RUNX2: variants seen among roughly 807,000 people sequenced by gnomAD.
RUNX2 encodes the protein runt-related transcription factor 2.
RUNX2 carries 10 observed loss-of-function variants against 51.7 expected under a neutral mutation model. That is an observed-to-expected ratio of 0.19 (90% CI 0.12 to 0.33). The LOEUF is 0.33. Ranked by LOEUF, RUNX2 falls within the 10% of genes least tolerant of loss-of-function variation. The pLI is 1.00. For missense variants in RUNX2, 562 were observed against 691.3 expected (o/e 0.81, Z 2.10); for synonymous variants, 276 against 273.6 (o/e 1.01, Z -0.09).
At chr6:45,433,803 C>T (rs1251173172) in intron 4 of RUNX2, among the ~76,000 whole-genome samples, 3 of 152,274 alleles carry the variant, frequency 2.0e-5, no homozygotes, top group Admixed American at 6.5e-5. Context: ...AAAAGACAGA[C>T]TTAACTGCTT....
intron 7 of RUNX2, among the ~76,000 whole-genome samples, chr6:45,514,740 G>A (rs1801266640): frequency 6.6e-6 from 1 of 152,044 alleles, no homozygotes; most frequent in African/African-American, 2.4e-5. Flanking sequence ...CCATGTCATC[G>A]GAGTGTGCAC....
At chr6:45,358,550 T>C (rs1793657594) in intron 2 of RUNX2, among the ~76,000 whole-genome samples, 1 of 152,190 alleles carries the variant, frequency 6.6e-6, no homozygotes, top group Non-Finnish European at 1.5e-5. Flanking sequence ...TTGATGATGA[T>C]ATTTATTTTT....
At chr6:45,410,897 T>G (rs1211527527) in intron 2 of RUNX2, among the ~76,000 whole-genome samples, 1 of 152,190 alleles carries the variant, frequency 6.6e-6, no homozygotes, top group Non-Finnish European at 1.5e-5. Flanking sequence ...GACATGTTAG[T>G]CTAGAGCCCT....
intron 7 of RUNX2, among the ~76,000 whole-genome samples, chr6:45,544,040 T>C (rs945665101): frequency 6.6e-6 from 1 of 151,714 alleles, no homozygotes; most frequent in African/African-American, 2.4e-5. Context: ...CTTGGTAACA[T>C]AAAGTGACTA....
chr6:45,407,711 G>C (rs1797867368), intron 2 of RUNX2, among the ~76,000 whole-genome samples: 1 of 152,002 alleles, frequency 6.6e-6, no homozygotes, highest in African/African-American at 2.4e-5. Flanking sequence ...TGTTGCCCAG[G>C]CTGGTCTTGA....
In RUNX2 at chr6:45,512,298, C is replaced by T. The variant is rs1801181027; in HGVS notation, c.912C>T (p.Pro304=). ...CGTGGTCCTATGACCAGTCTTACCC[C>T]TCCTACCTGAGCCAGATGACGTCCC... ...SPPWSYDQSY[P]SYLSQMTSPS... Residue 304 remains proline (P), a synonymous_variant, in exon 7 of 9, where the codon CCC becomes CCT. Transcript: ENST00000647337. 1 of 1,614,140 alleles carries T rather than the reference C, an allele frequency of 6.2e-7. No homozygotes were observed. Among genetic ancestry groups the T allele is most frequent in the Non-Finnish European group, 8.5e-7 (1 of 1,180,018 alleles).
At chr6:45,447,020 A>C (rs1335516530) in intron 5 of RUNX2, among the ~76,000 whole-genome samples, 1 of 152,264 alleles carries the variant, frequency 6.6e-6, no homozygotes, top group Admixed American at 6.5e-5. Context: ...AAAACTCTTC[A>C]TTAAAATTTA....
intron 7 of RUNX2, among the ~76,000 whole-genome samples, chr6:45,515,857 CA>C (rs2150424829): frequency 6.6e-6 from 1 of 152,282 alleles, no homozygotes; most frequent in South Asian, 2.1e-4. Context: ...ATTAACTAGG[CA>C]TGCTAATGCT....
At chr6:45,401,196 T>G (rs545971224) in intron 2 of RUNX2, among the ~76,000 whole-genome samples, 2 of 152,342 alleles carry the variant, frequency 1.3e-5, no homozygotes, top group African/African-American at 4.8e-5. Context: ...TGCCAAAATT[T>G]CTGTTCATTT....
intron 7 of RUNX2, among the ~76,000 whole-genome samples, chr6:45,536,643 G>T (rs536367237): frequency 6.6e-6 from 1 of 152,162 alleles, no homozygotes; most frequent in Non-Finnish European, 1.5e-5. Context: ...TGCCTGCAGC[G>T]GACTCTTCCT....
At chr6:45,491,240 A>G (rs1270790195) in intron 5 of RUNX2, among the ~76,000 whole-genome samples, 1 of 152,202 alleles carries the variant, frequency 6.6e-6, no homozygotes, top group East Asian at 1.9e-4. Context: ...AAACCACAGT[A>G]GTGGATTTAA....
At chr6:45,398,414 C>T (rs941099027) in intron 2 of RUNX2, among the ~76,000 whole-genome samples, 1 of 152,130 alleles carries the variant, frequency 6.6e-6, no homozygotes, top group Non-Finnish European at 1.5e-5. Context: ...CATTTTCTCC[C>T]CTCAATTTTT....
Position 45,512,211 on chromosome 6 carries a change from G to A in RUNX2, c.860-35G>A, listed in dbSNP as rs6932614. On this transcript the variant is annotated intron_variant, in intron 6 of 8. Transcript: ENST00000647337. ...GCATGTTTCTAAGGCTGCAATGGTT[G>A]CTATACTAAAGATTTTTCTTTTTCT... 310 of 1,607,696 alleles carry A rather than the reference G, an allele frequency of 1.9e-4. No homozygotes were observed. The African/African-American group carries it at 3.6e-3, about 19-fold the overall frequency.
rs537764351 is a variant in RUNX2, at chr6:45,451,452, C to G, written c.685+13401C>G. On this transcript the variant is annotated intron_variant, in intron 5 of 8. Coordinates refer to ENST00000647337, the MANE Select transcript of RUNX2 (RefSeq NM_001024630.4). ...GCAATCCCGAAGGTGATCTGGGTTTCAAAACATAAGAGCAACATGGAAAAC... is the reference window on the plus strand; with the variant it reads ...GCAATCCCGAAGGTGATCTGGGTTTGAAAACATAAGAGCAACATGGAAAAC... Among the ~76,000 whole-genome samples, 104 of 152,222 alleles carry G rather than the reference C, an allele frequency of 6.8e-4. 2 individuals carry two copies. In the South Asian group the frequency reaches 0.02, roughly 30 times the overall value.
rs537362464 is a variant in RUNX2 at position 45,368,093 on chromosome 6, G to C, written c.58+39309G>C. 1.3e-4 allele frequency among the ~76,000 whole-genome samples: 20 copies of C among 151,676 alleles called. No individual in the cohort carries two copies. The Admixed American group carries it at 1.3e-3, about 10-fold the overall frequency. On this transcript the variant is annotated intron_variant, in intron 2 of 8. Transcript: ENST00000647337. ...AAGTCAATTTTCACTAATAAATACA[G>C]TTACTGTGGAACTGAAAACCTACTG... is the stretch of plus-strand genomic sequence containing the variant.
intron 2 of RUNX2, among the ~76,000 whole-genome samples, chr6:45,365,482 GA>G: frequency 6.6e-6 from 1 of 151,582 alleles, no homozygotes; most frequent in South Asian, 2.1e-4. Flanking sequence ...TAGCAAGGTG[GA>G]AAAAAACTAG....
At chr6:45,371,237 G>C (rs1796013246) in intron 2 of RUNX2, among the ~76,000 whole-genome samples, 1 of 152,082 alleles carries the variant, frequency 6.6e-6, no homozygotes, top group Admixed American at 6.6e-5. Flanking sequence ...AAGCTTATGA[G>C]AATTCTGCAT....
chr6:45,390,480 T>C (rs1039804402), intron 2 of RUNX2, among the ~76,000 whole-genome samples: 1 of 152,238 alleles, frequency 6.6e-6, no homozygotes, highest in African/African-American at 2.4e-5. Flanking sequence ...TATGAAAATG[T>C]TTTAAAACAT....
At chr6:45,386,011 G>A (rs1207978065) in intron 2 of RUNX2, among the ~76,000 whole-genome samples, 1 of 151,126 alleles carries the variant, frequency 6.6e-6, no homozygotes, top group African/African-American at 2.4e-5. Flanking sequence ...TCTTTTCTTA[G>A]ATTCCAGCAG....
Sources: allele counts gnomAD v4.1 joint callset (sites outside exome capture counted in the v4.1 genomes callset), GRCh38; gene constraint gnomAD v4.1.1; transcripts MANE v1.5; gene names NCBI Gene and HGNC (gene_info 2026-07-23, HGNC 2026-07-21).